Variants in LLGL2 observed in about 807,000 individuals in gnomAD.
LLGL2 encodes the protein LLGL2, scribble cell polarity complex component.
Under a neutral mutation model 123.2 loss-of-function variants are expected in LLGL2, and 81 were observed. The ratio of observed to expected loss-of-function variants is 0.66; its 90% CI spans 0.55 to 0.79. The LOEUF (loss-of-function observed/expected upper bound fraction) is 0.79. Among genes scored for constraint, LLGL2 ranks in the 30% least tolerant of loss-of-function variants. The pLI is 0.00. For missense variants in LLGL2, 1,273 were observed against 1,414.6 expected (o/e 0.90, Z 1.61); for synonymous variants, 577 against 594.1 (o/e 0.97, Z 0.42).
rs1313853103 is a variant in LLGL2, at chr17:75,560,817, A to C, written c.530+1407A>C. ...GTTTATTTATTAAAAAAAAAAAAAA[A>C]AAAAAAAAAAAAAAACAAAGAAAAA... On this transcript the variant is annotated intron_variant, in intron 6 of 25. Transcript: ENST00000392550. Among the ~76,000 whole-genome samples, 6 of 108,878 alleles carry C rather than the reference A, an allele frequency of 5.5e-5. No individual in the cohort carries two copies. In the South Asian group the frequency reaches 7.0e-4, roughly 13 times the overall value. The allele number at this position is 108,878 out of a possible 152,430, so 71.4% of individuals were successfully genotyped here. A position where few individuals can be genotyped will look rare whatever the true frequency, so the allele number is the denominator to read the frequency against.
At chr17:75,525,541 C>T (rs2053525850), upstream of LLGL2, among the ~76,000 whole-genome samples, 1 of 151,218 alleles carries the variant, frequency 6.6e-6, no homozygotes, top group Non-Finnish European at 1.5e-5. The surrounding 1 kb of genome is among the most constrained non-coding windows in gnomAD (Gnocchi z 4.8). Context: ...CCGCCCCGCG[C>T]TTCCCGGGGC....
chr17:75,572,434 C>A (rs868592853), intron 19 of LLGL2, among the ~76,000 whole-genome samples: 1 of 151,982 alleles, frequency 6.6e-6, no homozygotes, highest in Non-Finnish European at 1.5e-5. Flanking sequence ...GAGGCCGAGG[C>A]GGGCAGATCA....
intron 1 of LLGL2, among the ~76,000 whole-genome samples, chr17:75,531,458 G>A (rs950743441): frequency 6.6e-6 from 1 of 152,228 alleles, no homozygotes. Context: ...TCTTTCTCCT[G>A]GGCCGGCTGC....
Position 75,574,508 on chromosome 17 carries a change from C to T in LLGL2, c.2996+13C>T, listed in dbSNP as rs1439863986. 6.4e-7 allele frequency: 1 copy of T among 1,566,528 alleles called. No individual in the cohort carries two copies. Among genetic ancestry groups the T allele is most frequent in the Non-Finnish European group, 8.6e-7 (1 of 1,156,976 alleles). On this transcript the variant is annotated intron_variant, in intron 24 of 25. Transcript: ENST00000392550. The stretch of plus-strand genomic sequence containing the variant: ...AGGGAGACCGCGGGTGAGGCACCGC[C>T]CAGGCCAGCTGGGGTGGGCCCGAGG...
Position 75,541,380 on chromosome 17 carries a change from C to T in LLGL2, c.-30-2017C>T, listed in dbSNP as rs2054199535. On this transcript the variant is annotated intron_variant, in intron 1 of 25. Transcript: ENST00000392550. ...TTTATGAGTGTGAGCTGCCCTCCCC[C>T]AGGCTGCAATGCTGGGCCAGCAGAT... Among the ~76,000 whole-genome samples the T allele has an allele frequency of 2.0e-5, 3 of 152,248 alleles. 1 individual carries two copies. In the South Asian group the frequency reaches 6.2e-4, roughly 32 times the overall value.
chr17:75,558,895 A>C lies in LLGL2; in HGVS notation c.371+268A>C. ...CCTCCATCCGCACCCCACCTCCTCC[A>C]TCCACACCACGCCTCCTCCATCCGC... On this transcript the variant is annotated intron_variant, in intron 5 of 25. Coordinates refer to ENST00000392550, the MANE Select transcript of LLGL2 (RefSeq NM_001031803.2). The surrounding 1 kb of genome is among the most constrained non-coding windows in gnomAD (Gnocchi z 4.0). 1 of 219,096 alleles carries C rather than the reference A, an allele frequency of 4.6e-6. No homozygotes were observed. The highest frequency in any genetic ancestry group is 1.4e-3 in the Middle Eastern group (1 of 728). 13.6% of individuals were successfully genotyped at this position (219,096 alleles called of 1,614,324 possible).
Position 75,549,555 on chromosome 17 carries a change from C to T in LLGL2, c.75+6054C>T, listed in dbSNP as rs987279333. On this transcript the variant is annotated intron_variant, in intron 2 of 25. Transcript: ENST00000392550. This position sits in a 1 kb window ranked among gnomAD's most constrained non-coding sequence, Gnocchi z 4.0. ...CTGTATTGGCTTTCGAATGGCTGGG[C>T]CCCTGGTGTCAGGTGACAGCAGCCA... Among the ~76,000 whole-genome samples the T allele has an allele frequency of 6.6e-6, 1 of 152,022 alleles. No individual in the cohort carries two copies. Among genetic ancestry groups the T allele is most frequent in the Admixed American group, 6.5e-5 (1 of 15,282 alleles).
In LLGL2 at chr17:75,544,712, C is replaced by T. The variant is rs1199920844; in HGVS notation, c.75+1211C>T. Among the ~76,000 whole-genome samples the T allele has an allele frequency of 6.6e-6, 1 of 152,110 alleles. No homozygotes were observed. The highest frequency in any genetic ancestry group is 1.5e-5 in the Non-Finnish European group (1 of 68,006). The stretch of plus-strand genomic sequence containing the variant: ...GTGGGTCGTGGGGTGGAGGGACCTC[C>T]CTGACCTCCCCGTTGGGAGAGGTGG... On this transcript the variant is annotated intron_variant, in intron 2 of 25. Transcript: ENST00000392550. This position sits in a 1 kb window ranked among gnomAD's most constrained non-coding sequence, Gnocchi z 4.2.
chr17:75,536,471 G>T (rs62088478), intron 1 of LLGL2, among the ~76,000 whole-genome samples: 1 of 152,082 alleles, frequency 6.6e-6, no homozygotes, highest in Non-Finnish European at 1.5e-5. Context: ...CTGTCTCCCC[G>T]CCTTTCCGGG....
At chr17:75,569,864 G>C (rs2055617867) in intron 14 of LLGL2, 99 bp from the exon 15 acceptor site, 1 of 1,323,512 alleles carries the variant, frequency 7.6e-7, no homozygotes, top group African/African-American at 1.5e-5. Flanking sequence ...CCTTCCTTGA[G>C]CCTTGGGCCC....
intron 1 of LLGL2, among the ~76,000 whole-genome samples, chr17:75,536,009 A>C (rs2053987278): frequency 6.6e-6 from 1 of 152,222 alleles, no homozygotes; most frequent in African/African-American, 2.4e-5. Context: ...GATGGGAACC[A>C]GCCACAAGGC....
At chr17:75,531,271 G>A (rs1454066801) in intron 1 of LLGL2, among the ~76,000 whole-genome samples, 1 of 152,200 alleles carries the variant, frequency 6.6e-6, no homozygotes, top group East Asian at 1.9e-4. Flanking sequence ...TGGCCCATGA[G>A]CCCCTGCCCG....
intron 1 of LLGL2, among the ~76,000 whole-genome samples, chr17:75,531,009 G>GAGAGTGC (rs1416579070): frequency 6.6e-6 from 1 of 152,130 alleles, no homozygotes; most frequent in Non-Finnish European, 1.5e-5. Flanking sequence ...GGGGATGTCG[G>GAGAGTGC]AGAGTGCAGG....
At chr17:75,569,931 G>A (rs1568071828) in intron 14 of LLGL2, 32 bp from the exon 15 acceptor site, 2 of 1,551,944 alleles carry the variant, frequency 1.3e-6, no homozygotes, top group South Asian at 1.2e-5. Context: ...CCTTTGCTGA[G>A]GGCTTGCTGA....
In LLGL2 at chr17:75,563,129, T is replaced by C. The variant is rs757531435; in HGVS notation, c.644T>C (p.Ile215Thr). The C allele has an allele frequency of 6.2e-7, 1 of 1,613,184 alleles. No homozygotes were observed. The change falls in exon 7 of 26, where the codon ATC becomes ACC. Residue 215 changes from isoleucine to threonine, a missense_variant. Physicochemically the swap from Ile to Thr is moderately conservative, Grantham distance 89 (BLOSUM62 -1). Transcript: ENST00000392550. ...LIGYSRGLVV[I>T]WDLQGSRVLY... ...GGCTACAGCCGAGGCCTCGTTGTCATCTGGGACCTACAGGGCAGCCGCGTG... is the reference window on the plus strand; with the variant it reads ...GGCTACAGCCGAGGCCTCGTTGTCACCTGGGACCTACAGGGCAGCCGCGTG...
In LLGL2 at chr17:75,573,726, C is replaced by T. The variant is rs1243678356; in HGVS notation, c.2876+95C>T. 77 of 1,325,446 alleles carry T rather than the reference C, an allele frequency of 5.8e-5. No homozygotes were observed. The Admixed American group carries it at 6.0e-4, about 10-fold the overall frequency. 82.1% of individuals were successfully genotyped at this position (1,325,446 alleles called of 1,614,324 possible). A position where few individuals can be genotyped will look rare whatever the true frequency, so the allele number is the denominator to read the frequency against. Reference sequence around the variant, plus strand: ...TCCCACTGCTGCCTGGCTGGAGGCACCTCCCCACGAGCTCAGCCCACCCTC... The same window carrying T: ...TCCCACTGCTGCCTGGCTGGAGGCATCTCCCCACGAGCTCAGCCCACCCTC... On this transcript the variant is annotated intron_variant, in intron 21 of 25. Coordinates refer to ENST00000392550, the MANE Select transcript of LLGL2 (RefSeq NM_001031803.2).
chr17:75,562,867 G>A, intron 6 of LLGL2, 149 bp from the exon 7 acceptor site: 2 of 987,030 alleles, frequency 2.0e-6, no homozygotes, highest in Non-Finnish European at 2.9e-6. Context: ...ACCACGCTCG[G>A]CCATCCACTG....
Position 75,571,974 on chromosome 17 carries a change from C to A in LLGL2, c.2370C>A (p.Pro790=), listed in dbSNP as rs1661714. The change falls in exon 19 of 26, where the codon CCC becomes CCA. Residue 790 remains proline (P), a synonymous_variant. Coordinates refer to ENST00000392550, the MANE Select transcript of LLGL2 (RefSeq NM_001031803.2). ...LVLDGHSVPL[P]EPLEVAHDLS... is the part of the protein sequence containing the mutation. The stretch of plus-strand genomic sequence containing the variant: ...TCGACGGACACAGCGTACCCCTTCC[C>A]GAGCCCCTCGAAGTGGCCCATGATC... 6.2e-7 allele frequency: 1 copy of A among 1,612,406 alleles called. No individual in the cohort carries two copies. Among genetic ancestry groups the A allele is most frequent in the African/African-American group, 1.3e-5 (1 of 74,928 alleles).
chr17:75,546,306 G>C (rs966824681), intron 2 of LLGL2: 2 of 152,602 alleles, frequency 1.3e-5, no homozygotes, highest in African/African-American at 2.4e-5. Context: ...CATTTTTGGA[G>C]AGGCAGCTTG....
Sources: allele counts gnomAD v4.1 joint callset (sites outside exome capture counted in the v4.1 genomes callset), GRCh38; gene constraint gnomAD v4.1.1; non-coding constraint Gnocchi (gnomAD v3.1); transcripts MANE v1.5; gene names NCBI Gene and HGNC (gene_info 2026-07-23, HGNC 2026-07-21).